The following LIPA variants were observed in gnomAD, a reference collection of about 807,000 sequenced individuals.
The protein encoded by LIPA is lysosomal acid lipase/cholesteryl ester hydrolase.
Under a neutral mutation model 40.6 loss-of-function variants are expected in LIPA, and 26 were observed. The ratio of observed to expected loss-of-function variants is 0.64; its 90% CI spans 0.47 to 0.89. LIPA has a LOEUF of 0.89. LIPA is among the 40% of genes least tolerant of loss of function. LIPA has a pLI of 0.00. For synonymous variants in LIPA, 188 were observed against 168.4 expected (o/e 1.12, Z -0.90); for missense variants, 455 against 479.6 (o/e 0.95, Z 0.48).
intron 2 of LIPA, chr10:89,403,928 T>C: frequency 4.8e-6 from 2 of 419,986 alleles, no homozygotes; most frequent in South Asian, 6.6e-5. Context: ...ATGAGTGCTA[T>C]GTAGTAGAGA....
chr10:89,359,399 C>T (rs1844007159), intron 2 of LIPA, among the ~76,000 whole-genome samples: 1 of 152,218 alleles, frequency 6.6e-6, no homozygotes, highest in South Asian at 2.1e-4. Context: ...GAGAGATTCA[C>T]TACTAAGAGG....
chr10:89,354,314 C>T (rs12249661), intron 2 of LIPA, among the ~76,000 whole-genome samples: 4,615 of 152,310 alleles, frequency 0.03, 126 homozygotes, highest in African/African-American at 0.071. Flanking sequence ...CTTACATGTA[C>T]TGATTGATGT....
At chr10:89,375,951 C>A (rs1363610165) in intron 2 of LIPA, among the ~76,000 whole-genome samples, 1 of 151,954 alleles carries the variant, frequency 6.6e-6, no homozygotes, top group Non-Finnish European at 1.5e-5. Context: ...CTTTAGGAGG[C>A]CAACACAGGT....
intron 1 of LIPA, among the ~76,000 whole-genome samples, chr10:89,312,133 A>G (rs1843519910): frequency 6.6e-6 from 1 of 152,118 alleles, no homozygotes; most frequent in Non-Finnish European, 1.5e-5. Context: ...CAGGTTATTT[A>G]TCTCTTCTCC....
At chr10:89,356,568 T>G (rs1295562851) in intron 2 of LIPA, among the ~76,000 whole-genome samples, 2 of 152,168 alleles carry the variant, frequency 1.3e-5, no homozygotes, top group East Asian at 3.8e-4. Flanking sequence ...GAACCTAGGT[T>G]GCGCATTCCT....
At chr10:89,411,961 T>C (rs753625482) in intron 2 of LIPA, among the ~76,000 whole-genome samples, 9 of 152,196 alleles carry the variant, frequency 5.9e-5, no homozygotes, top group Non-Finnish European at 1.2e-4. Flanking sequence ...GTCAAATTTG[T>C]TTCCTCTAGA....
chr10:89,302,129 G>T, intron 1 of LIPA: 1 of 1,613,746 alleles, frequency 6.2e-7, no homozygotes, highest in East Asian at 2.2e-5. Context: ...CAACCATGAG[G>T]TAAATATTTT....
chr10:89,270,773 T>G (rs1229303739), intron 1 of LIPA, among the ~76,000 whole-genome samples: 1 of 152,208 alleles, frequency 6.6e-6, no homozygotes, highest in Non-Finnish European at 1.5e-5. Context: ...CTGATGGTGC[T>G]CGAAGTGTCT....
chr10:89,385,702 G>T (rs1265916108), intron 2 of LIPA, among the ~76,000 whole-genome samples: 1 of 152,164 alleles, frequency 6.6e-6, no homozygotes, highest in Non-Finnish European at 1.5e-5. Context: ...GGGACCTGCT[G>T]GTCAGTGAGC....
upstream of LIPA, among the ~76,000 whole-genome samples, chr10:89,345,462 G>A (rs1233993490): frequency 6.6e-6 from 1 of 152,044 alleles, no homozygotes; most frequent in East Asian, 1.9e-4. Context: ...CCAAGAGACA[G>A]AGGTTGCAGT....
At chr10:89,363,774 C>CA (rs760221407) in intron 2 of LIPA, among the ~76,000 whole-genome samples, 53,205 of 93,050 alleles carry the variant, frequency 0.57, 15,734 homozygotes, top group East Asian at 0.86. Context: ...CAGACTCCAT[C>CA]AAAAAAAAAA....
At chr10:89,319,396 C>T (rs562218095) in intron 1 of LIPA, among the ~76,000 whole-genome samples, 10 of 152,296 alleles carry the variant, frequency 6.6e-5, no homozygotes, top group Non-Finnish European at 1.3e-4. Flanking sequence ...ACCAATCACA[C>T]AGAAATACAA....
At chr10:89,276,638 C>G (rs1843290748) in intron 1 of LIPA, among the ~76,000 whole-genome samples, 1 of 152,148 alleles carries the variant, frequency 6.6e-6, no homozygotes, top group African/African-American at 2.4e-5. Context: ...TTGGAAGAGA[C>G]TTATTTTTCT....
intron 1 of LIPA, among the ~76,000 whole-genome samples, chr10:89,341,558 T>C (rs1843870752): frequency 6.6e-6 from 1 of 152,234 alleles, no homozygotes; most frequent in South Asian, 2.1e-4. Context: ...GATGATCATT[T>C]GAACACTTTC....
At chr10:89,232,728 C>T (rs987093809) in intron 3 of LIPA, among the ~76,000 whole-genome samples, 2 of 152,174 alleles carry the variant, frequency 1.3e-5, no homozygotes, top group African/African-American at 2.4e-5. Context: ...CACCTTCTCT[C>T]GATGGAGAAT....
intron 1 of LIPA, chr10:89,338,656 C>T (rs371804548): frequency 1.2e-5 from 20 of 1,605,918 alleles, no homozygotes; most frequent in Non-Finnish European, 1.6e-5. Flanking sequence ...TTATTTTCTC[C>T]ACAGTGAGGT....
At chr10:89,224,670 C>CAA (rs1842743660) in intron 6 of LIPA, among the ~76,000 whole-genome samples, 1 of 152,196 alleles carries the variant, frequency 6.6e-6, no homozygotes, top group Admixed American at 6.5e-5. Context: ...TTATAAAATA[C>CAA]AATAATGATA....
At chr10:89,413,294 G>T (rs1247636815) in intron 1 of LIPA, among the ~76,000 whole-genome samples, 1 of 152,204 alleles carries the variant, frequency 6.6e-6, no homozygotes, top group Admixed American at 6.5e-5. Flanking sequence ...GTTCTTAATA[G>T]CCACAGGTGA....
At chr10:89,274,343 A>C (rs1033699286) in intron 1 of LIPA, among the ~76,000 whole-genome samples, 1 of 152,254 alleles carries the variant, frequency 6.6e-6, no homozygotes, top group African/African-American at 2.4e-5. Context: ...GGGTATCAAC[A>C]TTATCAATCA....
Sources: allele counts gnomAD v4.1 joint callset (sites outside exome capture counted in the v4.1 genomes callset), GRCh38; gene constraint gnomAD v4.1.1; transcripts MANE v1.5; gene names NCBI Gene and HGNC (gene_info 2026-07-23, HGNC 2026-07-21).